PAICS: variants seen among roughly 807,000 people sequenced by gnomAD.
PAICS encodes bifunctional phosphoribosylaminoimidazole carboxylase/phosphoribosylaminoimidazole succinocarboxamide synthetase.
A neutral mutation model predicts 53.7 loss-of-function variants in PAICS; 33 were observed. The observed-to-expected ratio is 0.61, with a 90% CI of 0.47 to 0.82. The LOEUF is 0.82. PAICS is among the 40% of genes least tolerant of loss of function. PAICS has a pLI of 0.00. For missense variants in PAICS, 394 were observed against 494.1 expected, an observed-to-expected ratio of 0.80 and a Z score of 1.92; for synonymous variants, 141 against 167.2, an observed-to-expected ratio of 0.84 and a Z score of 1.21.
intron 2 of PAICS, chr4:56,446,297 C>T: frequency 2.8e-6 from 2 of 710,852 alleles, no homozygotes; most frequent in South Asian, 1.5e-5. Context: ...AACTATTCCT[C>T]CCACTCCTCA....
chr4:56,410,519 G>T, the PAICS span: 123 of 986,574 alleles, frequency 1.2e-4, no homozygotes, highest in African/African-American at 2.0e-3. Context: ...TTTCAACATG[G>T]AGAGTGGAGC....
the PAICS span, chr4:56,429,080 T>G: frequency 4.2e-6 from 1 of 238,134 alleles, no homozygotes; most frequent in Non-Finnish European, 6.8e-6. Flanking sequence ...AACAGAGATA[T>G]TTATTCCTGT....
At chr4:56,421,235 C>G in the PAICS span, 1 of 155,100 alleles carries the variant, frequency 6.4e-6, no homozygotes, top group Non-Finnish European at 1.4e-5. Context: ...GCCTGATGAT[C>G]TGTCATTGTC....
At position 56,448,693 on chromosome 4, in the gene PAICS, T is replaced by C; in HGVS notation, c.574-17T>C. 1.3e-6 allele frequency: 2 copies of C among 1,535,550 alleles called. No individual in the cohort carries two copies. Among genetic ancestry groups the C allele is most frequent in the Non-Finnish European group, 1.8e-6 (2 of 1,121,104 alleles). ...ATAAAATAGTTTTTGAAAACTTTGTTGACATGCTGTTTCCAGATTGAATTT... is the reference window on the plus strand; with the variant it reads ...ATAAAATAGTTTTTGAAAACTTTGTCGACATGCTGTTTCCAGATTGAATTT... On this transcript the variant is annotated splice_polypyrimidine_tract_variant and intron_variant, in intron 4 of 8. Transcript: ENST00000512576.
chr4:56,456,485 G>A (rs1023860331), intron 8 of PAICS, among the ~76,000 whole-genome samples: 3 of 152,066 alleles, frequency 2.0e-5, no homozygotes, highest in Non-Finnish European at 2.9e-5. Flanking sequence ...ATATCTCACT[G>A]GACCCTTGAA....
At chr4:56,448,380 A>C in intron 3 of PAICS, 38 bp from the exon 4 acceptor site, 1 of 1,377,750 alleles carries the variant, frequency 7.3e-7, no homozygotes, top group Non-Finnish European at 9.8e-7. Context: ...TAAAAATTTT[A>C]GATTGAAGTT....
rs371415862 is a variant in PAICS at position 56,454,126 on chromosome 4, C to T, written c.1111+365C>T. Among the ~76,000 whole-genome samples the T allele has an allele frequency of 3.9e-5, 6 of 152,220 alleles. No individual in the cohort carries two copies. The South Asian group carries it at 1.0e-3, about 26-fold the overall frequency. ...AGTTGACCAACAAGGAGACATGAGT[C>T]CAGCTCAAATCTGTGCTGGCTTTAA... is the stretch of plus-strand genomic sequence containing the variant. On this transcript the variant is annotated intron_variant, in intron 8 of 8. Transcript: ENST00000512576.
intron 2 of PAICS, chr4:56,446,377 C>G (rs1397449789): frequency 9.7e-6 from 7 of 717,958 alleles, no homozygotes; most frequent in Non-Finnish European, 5.2e-6. Context: ...TAAGTCAAAT[C>G]GTAAGTATTT....
chr4:56,437,372 C>T (rs1368645040), intron 1 of PAICS, among the ~76,000 whole-genome samples: 1 of 151,674 alleles, frequency 6.6e-6, no homozygotes, highest in Non-Finnish European at 1.5e-5. Flanking sequence ...GTTGCACTAT[C>T]AGGAAAGATT....
chr4:56,417,129 G>A, the PAICS span, among the ~76,000 whole-genome samples: 8 of 152,254 alleles, frequency 5.3e-5, no homozygotes, highest in Non-Finnish European at 1.0e-4. Flanking sequence ...GATTACAGGC[G>A]TGAGCCACTG....
At position 56,436,295 on chromosome 4, in the gene PAICS, C is replaced by T. The variant is rs997119917; in HGVS notation, c.-18C>T. 1.3e-6 allele frequency: 2 copies of T among 1,599,858 alleles called. No individual in the cohort carries two copies. The highest frequency in any genetic ancestry group is 2.3e-5 in the South Asian group (2 of 88,200). Reference sequence around the variant, plus strand: ...CTCGCTTCCCGGCGCGGTCGCAGCCCTCAGCCCACTTAGGATAATGGCGAC... The same window carrying T: ...CTCGCTTCCCGGCGCGGTCGCAGCCTTCAGCCCACTTAGGATAATGGCGAC... On this transcript the variant is annotated 5_prime_UTR_variant, in exon 1 of 9. Coordinates refer to ENST00000512576, the MANE Select transcript of PAICS (RefSeq NM_001079524.2).
rs1378523392 is a variant in PAICS, at chr4:56,461,518, C to A, written c.*1980C>A. On this transcript the variant is annotated 3_prime_UTR_variant, in exon 9 of 9. Coordinates refer to ENST00000512576, the MANE Select transcript of PAICS (RefSeq NM_001079524.2). Reference sequence around the variant, plus strand: ...ACTGACCATTACAAATTGTCGTTATCAATTTTTTTTCCTTTTTTTTTTTAA... The same window carrying A: ...ACTGACCATTACAAATTGTCGTTATAAATTTTTTTTCCTTTTTTTTTTTAA... The A allele has an allele frequency of 2.6e-5, 4 of 151,806 alleles. No homozygotes were observed. The highest frequency in any genetic ancestry group is 5.9e-5 in the Non-Finnish European group (4 of 67,948). The allele number at this position is 151,806 out of a possible 1,614,324, so 9.4% of individuals were successfully genotyped here.
At chr4:56,412,248 A>G in the PAICS span, among the ~76,000 whole-genome samples, 1 of 151,180 alleles carries the variant, frequency 6.6e-6, no homozygotes, top group East Asian at 1.9e-4. Flanking sequence ...CAACATAACT[A>G]TGCACGTTTA....
chr4:56,436,127 A>T, upstream of PAICS: 3 of 1,478,182 alleles, frequency 2.0e-6, no homozygotes, highest in Non-Finnish European at 2.7e-6. Context: ...TTCGTCCGAT[A>T]TCCGCGTTTC....
At chr4:56,459,281 A>G in intron 8 of PAICS, 91 bp from the exon 9 acceptor site, 1 of 726,672 alleles carries the variant, frequency 1.4e-6, no homozygotes, top group African/African-American at 1.8e-5. Flanking sequence ...TTTCTGTGGC[A>G]GGACTGCTCT....
chr4:56,448,205 CTG>C (rs34582745), intron 3 of PAICS, among the ~76,000 whole-genome samples: 25,272 of 151,740 alleles, frequency 0.17, 2,833 homozygotes, highest in Non-Finnish European at 0.25. Context: ...CAGGGTTTCA[CTG>C]TGTTGGCCAG....
At chr4:56,448,346 G>T in intron 3 of PAICS, 72 bp from the exon 4 acceptor site, 1 of 1,080,370 alleles carries the variant, frequency 9.3e-7, no homozygotes, top group South Asian at 1.9e-5. Flanking sequence ...AAGGTGAAAA[G>T]GATGTTGGTT....
the PAICS span, chr4:56,420,372 A>C: frequency 6.6e-6 from 1 of 152,252 alleles, no homozygotes; most frequent in Non-Finnish European, 1.5e-5. Flanking sequence ...TTGGTGCTCA[A>C]AAAGTTTCAA....
chr4:56,452,132 GA>G, intron 7 of PAICS, 80 bp downstream of exon 7: 1 of 890,372 alleles, frequency 1.1e-6, no homozygotes, highest in South Asian at 1.8e-5. Context: ...TAATAATGCT[GA>G]AAAAAGAGCT....
Sources: gnomAD v4.1 joint callset for allele counts (sites outside exome capture counted in the v4.1 genomes callset) on GRCh38, gnomAD v4.1.1 for gene constraint, MANE v1.5 for transcripts, NCBI Gene and HGNC (gene_info 2026-07-23, HGNC 2026-07-21) for gene names.